SLC10A7: variants seen among roughly 807,000 people sequenced by gnomAD.
SLC10A7 encodes the protein solute carrier family 10 member 7.
In SLC10A7, 29 loss-of-function variants were observed where a neutral mutation model predicts 43.2. The observed-to-expected ratio is 0.67, with a 90% CI of 0.50 to 0.92. The LOEUF is 0.92. Ranked by LOEUF, SLC10A7 falls within the 40% of genes least tolerant of loss-of-function variation. The probability of loss-of-function intolerance (pLI) is 0.00; values close to 1 mark genes in which losing one functional copy is unlikely to be tolerated. For missense variants in SLC10A7, 295 were observed against 403.2 expected (o/e 0.73, Z 2.30); for synonymous variants, 152 against 144.8 (o/e 1.05, Z -0.35).
chr4:146,377,280 G>A (rs1218775972), intron 5 of SLC10A7, among the ~76,000 whole-genome samples: 1 of 152,196 alleles, frequency 6.6e-6, no homozygotes, highest in Non-Finnish European at 1.5e-5. Context: ...CATGTGACCT[G>A]ATTCTTTCTG....
At chr4:146,478,122 C>T (rs1490600193) in intron 4 of SLC10A7, 1 of 152,156 alleles carries the variant, frequency 6.6e-6, no homozygotes, top group Non-Finnish European at 1.5e-5. Context: ...GGGAATGACA[C>T]ATACTATGTG....
At chr4:146,423,084 T>C (rs896964172) in intron 5 of SLC10A7, among the ~76,000 whole-genome samples, 11 of 152,114 alleles carry the variant, frequency 7.2e-5, no homozygotes, top group African/African-American at 1.9e-4. Context: ...TAAATATGTA[T>C]AAAAAGTTCT....
At chr4:146,324,396 A>G (rs977745423) in intron 6 of SLC10A7, among the ~76,000 whole-genome samples, 7 of 152,292 alleles carry the variant, frequency 4.6e-5, no homozygotes, top group African/African-American at 9.6e-5. Context: ...AAGTCAAAAA[A>G]GGGTCTCAGA....
At chr4:146,467,720 G>A (rs2149954461) in intron 4 of SLC10A7, among the ~76,000 whole-genome samples, 1 of 152,002 alleles carries the variant, frequency 6.6e-6, no homozygotes, top group South Asian at 2.1e-4. Flanking sequence ...GTACCAACAT[G>A]CCCAACTAAT....
intron 5 of SLC10A7, among the ~76,000 whole-genome samples, chr4:146,384,819 T>A (rs1737874292): frequency 6.6e-6 from 1 of 152,118 alleles, no homozygotes; most frequent in South Asian, 2.1e-4. Flanking sequence ...ACAATGGCTA[T>A]CCATAAGGAG....
intron 10 of SLC10A7, among the ~76,000 whole-genome samples, chr4:146,261,574 T>G (rs1044134861): frequency 6.6e-6 from 1 of 152,212 alleles, no homozygotes; most frequent in Non-Finnish European, 1.5e-5. Flanking sequence ...CTCTTCTTAC[T>G]CTGCCTTGTA....
chr4:146,495,231 C>A (rs1054802483), intron 4 of SLC10A7, among the ~76,000 whole-genome samples: 1 of 152,166 alleles, frequency 6.6e-6, no homozygotes, highest in African/African-American at 2.4e-5. Flanking sequence ...ATGCCACTAA[C>A]CTTCCACTAC....
intron 2 of SLC10A7, among the ~76,000 whole-genome samples, chr4:146,516,480 A>C (rs1282861581): frequency 6.8e-6 from 1 of 147,312 alleles, no homozygotes; most frequent in African/African-American, 2.5e-5. Flanking sequence ...GTATATGTGT[A>C]TATATATACA....
In SLC10A7 at chr4:146,449,411, G is replaced by A. The variant is rs955801794; in HGVS notation, c.397-6590C>T. Among the ~76,000 whole-genome samples, 3 of 152,118 alleles carry A rather than the reference G, an allele frequency of 2.0e-5. No homozygotes were observed. The South Asian group carries it at 6.2e-4, about 32-fold the overall frequency. On this transcript the variant is annotated intron_variant, in intron 4 of 11. Coordinates refer to ENST00000335472, the MANE Select transcript of SLC10A7 (RefSeq NM_001029998.6). ...ATTCAGTTTGAGAGACCACACCCAA[G>A]AAGAGACTCCACCAACAAGAGGCTG...
chr4:146,487,001 G>T (rs1734977765), intron 4 of SLC10A7, among the ~76,000 whole-genome samples: 2 of 152,178 alleles, frequency 1.3e-5, no homozygotes, highest in African/African-American at 4.8e-5. Flanking sequence ...AACTGCAATT[G>T]CTTCCTCAGC....
chr4:146,465,020 A>G (rs1732885891), intron 4 of SLC10A7, among the ~76,000 whole-genome samples: 1 of 152,126 alleles, frequency 6.6e-6, no homozygotes, highest in South Asian at 2.1e-4. Flanking sequence ...ACAAAGACAG[A>G]GCATCCCACT....
chr4:146,286,604 G>A (rs113842416), intron 9 of SLC10A7, among the ~76,000 whole-genome samples: 65 of 148,330 alleles, frequency 4.4e-4, no homozygotes, highest in South Asian at 2.9e-3. Flanking sequence ...GAGAAGGACC[G>A]TGTCTGGAGT....
chr4:146,369,412 C>A (rs1278717167), intron 5 of SLC10A7, among the ~76,000 whole-genome samples: 1 of 152,088 alleles, frequency 6.6e-6, no homozygotes, highest in African/African-American at 2.4e-5. Flanking sequence ...TCTTTTTGGA[C>A]AAATATATGT....
chr4:146,448,705 C>T (rs72729884), intron 4 of SLC10A7, among the ~76,000 whole-genome samples: 8,266 of 152,144 alleles, frequency 0.054, 271 homozygotes, highest in Middle Eastern at 0.088. Flanking sequence ...AATGTAAAAA[C>T]GGGATATTTA....
At position 146,434,240 on chromosome 4, in the gene SLC10A7, G is replaced by A. The variant is rs1730028614; in HGVS notation, c.435+8543C>T. Among the ~76,000 whole-genome samples the A allele has an allele frequency of 3.9e-5, 6 of 152,112 alleles. No individual in the cohort carries two copies. The South Asian group carries it at 8.3e-4, about 21-fold the overall frequency. ...AGGACATAGACCAAAATGCTGATTCGTTATAGCTAGGTGATTCTATCTATA... is the reference window on the plus strand; with the variant it reads ...AGGACATAGACCAAAATGCTGATTCATTATAGCTAGGTGATTCTATCTATA... On this transcript the variant is annotated intron_variant, in intron 5 of 11. Transcript: ENST00000335472.
At chr4:146,386,263 TA>T (rs1267642275) in intron 5 of SLC10A7, among the ~76,000 whole-genome samples, 5 of 152,214 alleles carry the variant, frequency 3.3e-5, no homozygotes, top group Non-Finnish European at 7.3e-5. Flanking sequence ...GACTGTTTAA[TA>T]ATAGCCATTT....
At chr4:146,393,508 C>T (rs1203742379) in intron 5 of SLC10A7, among the ~76,000 whole-genome samples, 1 of 152,168 alleles carries the variant, frequency 6.6e-6, no homozygotes, top group Non-Finnish European at 1.5e-5. Flanking sequence ...TTTCTTTCCA[C>T]ACTAGAATGT....
intron 2 of SLC10A7, among the ~76,000 whole-genome samples, chr4:146,516,787 G>T (rs1738041957): frequency 6.6e-6 from 1 of 152,030 alleles, no homozygotes; most frequent in South Asian, 2.1e-4. Flanking sequence ...AGATGCTTCA[G>T]TTCAGCTGTC....
chr4:146,395,112 T>C (rs1738721114), intron 5 of SLC10A7, among the ~76,000 whole-genome samples: 1 of 152,100 alleles, frequency 6.6e-6, no homozygotes, highest in Non-Finnish European at 1.5e-5. Flanking sequence ...CTTATGCCTA[T>C]AATCCCAGCA....
Sources: allele counts gnomAD v4.1 joint callset (sites outside exome capture counted in the v4.1 genomes callset), GRCh38; gene constraint gnomAD v4.1.1; transcripts MANE v1.5; gene names NCBI Gene and HGNC (gene_info 2026-07-23, HGNC 2026-07-21).